USP15: variants seen among roughly 807,000 people sequenced by gnomAD.
The protein encoded by USP15 is ubiquitin specific peptidase 15, also known as ubiquitin carboxyl-terminal hydrolase 15.
USP15 carries 18 observed loss-of-function variants against 127.1 expected under a neutral mutation model. The observed-to-expected ratio is 0.14, with a 90% CI of 0.10 to 0.21. The LOEUF (loss-of-function observed/expected upper bound fraction) is 0.21. USP15 is among the 10% of genes least tolerant of loss of function. The pLI is 1.00. For missense variants in USP15, 805 were observed against 1,159.9 expected, an observed-to-expected ratio of 0.69 and a Z score of 4.44; for synonymous variants, 364 against 393.7, an observed-to-expected ratio of 0.92 and a Z score of 0.89.
At position 62,406,478 on chromosome 12, in the gene USP15, A is replaced by G. The variant is rs944750235; in HGVS notation, c.*2103A>G. 3.9e-5 allele frequency: 6 copies of G among 152,252 alleles called. No individual in the cohort carries two copies. Among genetic ancestry groups the G allele is most frequent in the Admixed American group, 3.3e-4 (5 of 15,294 alleles). 9.4% of individuals were successfully genotyped at this position (152,252 alleles called of 1,614,324 possible). On this transcript the variant is annotated 3_prime_UTR_variant, in exon 22 of 22. Transcript: ENST00000280377. The stretch of plus-strand genomic sequence containing the variant: ...AGTCAAAGCTAAATCTTTTAAACCT[A>G]TATTGTGGTCTCCATCCTAATTCTT...
At chr12:62,279,381 A>G (rs776873213) in intron 1 of USP15, among the ~76,000 whole-genome samples, 2 of 152,136 alleles carry the variant, frequency 1.3e-5, no homozygotes, top group East Asian at 1.9e-4. Flanking sequence ...TTCATCCATC[A>G]AAAGACATTA....
intron 8 of USP15, among the ~76,000 whole-genome samples, chr12:62,360,356 G>GA (rs1397473012): frequency 2.6e-5 from 4 of 151,690 alleles, no homozygotes; most frequent in Non-Finnish European, 5.9e-5. Flanking sequence ...TGTTTATTAG[G>GA]AAAAAACTTA....
At chr12:62,330,749 C>G (rs1250799033) in intron 6 of USP15, among the ~76,000 whole-genome samples, 2 of 143,950 alleles carry the variant, frequency 1.4e-5, no homozygotes, top group Admixed American at 6.8e-5. Flanking sequence ...AACAAGACCC[C>G]GTCTCTACAA....
At chr12:62,395,639 C>A (rs2067465380) in intron 19 of USP15, among the ~76,000 whole-genome samples, 1 of 151,702 alleles carries the variant, frequency 6.6e-6, no homozygotes, top group African/African-American at 2.4e-5. Context: ...CTTACATCTC[C>A]CCTACCTTCC....
intron 1 of USP15, among the ~76,000 whole-genome samples, chr12:62,267,858 C>A (rs1475728434): frequency 6.6e-6 from 1 of 152,096 alleles, no homozygotes; most frequent in East Asian, 1.9e-4. Flanking sequence ...AGGTAGAAAA[C>A]ACCTGGTAAT....
rs528669282 is a variant in USP15, at chr12:62,279,382, A to G, written c.90-14797A>G. On this transcript the variant is annotated intron_variant, in intron 1 of 21. Transcript: ENST00000280377. ...TTTTTCTTTATTCTTTCATCCATCA[A>G]AAGACATTAAGGTTGTTTCCGCATC... 1.4e-4 allele frequency among the ~76,000 whole-genome samples: 21 copies of G among 152,268 alleles called. No homozygotes were observed. The South Asian group carries it at 3.7e-3, about 27-fold the overall frequency.
chr12:62,324,028 A>G (rs982153409), intron 5 of USP15, among the ~76,000 whole-genome samples: 1 of 151,944 alleles, frequency 6.6e-6, no homozygotes, highest in East Asian at 1.9e-4. Context: ...CTTAGATTGA[A>G]AGTATCCTTA....
intron 1 of USP15, among the ~76,000 whole-genome samples, chr12:62,275,932 A>G (rs1378941498): frequency 6.6e-6 from 1 of 152,078 alleles, no homozygotes; most frequent in Non-Finnish European, 1.5e-5. Flanking sequence ...ATAGAAGGGT[A>G]TGCTATGGAC....
chr12:62,273,089 T>G (rs1389363924), intron 1 of USP15, among the ~76,000 whole-genome samples: 1 of 152,010 alleles, frequency 6.6e-6, no homozygotes, highest in South Asian at 2.1e-4. Flanking sequence ...CACCTTGTCA[T>G]AAACTCCAAC....
intron 8 of USP15, among the ~76,000 whole-genome samples, chr12:62,357,674 A>G (rs934077818): frequency 2.0e-5 from 3 of 152,150 alleles, no homozygotes; most frequent in African/African-American, 7.2e-5. Flanking sequence ...TTCTTCAAAC[A>G]ATTTGGAGAA....
In USP15 at chr12:62,260,451, C is replaced by A; in HGVS notation, c.37C>A (p.Arg13=). 6.4e-7 allele frequency: 1 copy of A among 1,552,130 alleles called. No individual in the cohort carries two copies. The highest frequency in any genetic ancestry group is 8.7e-7 in the Non-Finnish European group (1 of 1,147,818). ...CGGAGCGGCGGATCTGGACACCCAG[C>A]GGTCTGACATCGCGACGCTGCTCAA... ...EGGAADLDTQ[R]SDIATLLKTS... Residue 13 remains arginine, a synonymous_variant, in exon 1 of 22, where the codon CGG becomes AGG. Coordinates refer to ENST00000280377, the MANE Select transcript of USP15 (RefSeq NM_001252078.2).
At chr12:62,366,912 G>A (rs2066494087) in intron 8 of USP15, among the ~76,000 whole-genome samples, 1 of 152,188 alleles carries the variant, frequency 6.6e-6, no homozygotes, top group Admixed American at 6.5e-5. Flanking sequence ...ACTTAATCAT[G>A]GTGGATAAGC....
At chr12:62,387,900 A>G (rs2067203085) in intron 11 of USP15, among the ~76,000 whole-genome samples, 1 of 152,164 alleles carries the variant, frequency 6.6e-6, no homozygotes, top group Non-Finnish European at 1.5e-5. Flanking sequence ...TGGGATTTAG[A>G]ACATAGACGC....
At chr12:62,287,687 T>C (rs990017356) in intron 1 of USP15, among the ~76,000 whole-genome samples, 1 of 152,150 alleles carries the variant, frequency 6.6e-6, no homozygotes, top group African/African-American at 2.4e-5. Flanking sequence ...TTTAGGACTT[T>C]TATAAAAGTT....
At chr12:62,331,305 C>T (rs2065292615) in intron 6 of USP15, among the ~76,000 whole-genome samples, 1 of 152,146 alleles carries the variant, frequency 6.6e-6, no homozygotes, top group African/African-American at 2.4e-5. Flanking sequence ...GCCCCATCCT[C>T]AGAATTTCTT....
chr12:62,360,970 A>G (rs181686976), intron 8 of USP15, among the ~76,000 whole-genome samples: 48 of 152,194 alleles, frequency 3.2e-4, no homozygotes, highest in Admixed American at 1.4e-3. Context: ...AGCAAAAAAA[A>G]AAAATGTAAA....
chr12:62,376,979 C>T (rs369013073), intron 8 of USP15, among the ~76,000 whole-genome samples: 6 of 152,006 alleles, frequency 3.9e-5, no homozygotes, highest in Admixed American at 6.5e-5. Context: ...GAAGAATCTT[C>T]GAGATAGATA....
chr12:62,300,611 A>G (rs976729950), intron 2 of USP15, among the ~76,000 whole-genome samples: 8 of 152,164 alleles, frequency 5.3e-5, no homozygotes, highest in East Asian at 1.9e-4. Context: ...CTACACATAT[A>G]TAGTCATTCA....
intron 2 of USP15, among the ~76,000 whole-genome samples, chr12:62,299,197 G>T (rs752572078): frequency 6.6e-6 from 1 of 151,976 alleles, no homozygotes; most frequent in Non-Finnish European, 1.5e-5. Flanking sequence ...TGCAACCTCC[G>T]CATCCCAGGT....
Sources: gnomAD v4.1 joint callset for allele counts (sites outside exome capture counted in the v4.1 genomes callset) on GRCh38, gnomAD v4.1.1 for gene constraint, MANE v1.5 for transcripts, NCBI Gene and HGNC (gene_info 2026-07-23, HGNC 2026-07-21) for gene names.